The following MAPT variants were observed in gnomAD, a reference collection of about 807,000 sequenced individuals.
MAPT encodes microtubule-associated protein tau.
Under a neutral mutation model 67.9 loss-of-function variants are expected in MAPT, and 34 were observed. That is an observed-to-expected ratio of 0.50 (90% CI 0.38 to 0.67). The LOEUF (loss-of-function observed/expected upper bound fraction) is 0.67. Among genes scored for constraint, MAPT ranks in the 30% least tolerant of loss-of-function variants. MAPT has a pLI of 0.00. For missense variants in MAPT, 881 were observed against 1,115.2 expected, an observed-to-expected ratio of 0.79 and a Z score of 2.99; for synonymous variants, 456 against 464.5, an observed-to-expected ratio of 0.98 and a Z score of 0.23.
At chr17:45,927,554 A>G (rs2066458583) in intron 1 of MAPT, among the ~76,000 whole-genome samples, 1 of 152,144 alleles carries the variant, frequency 6.6e-6, no homozygotes, top group Non-Finnish European at 1.5e-5. Flanking sequence ...CCACTGTCTC[A>G]GGAACGGTGC....
intron 10 of MAPT, among the ~76,000 whole-genome samples, chr17:46,012,567 G>C (rs1309978769): frequency 1.3e-5 from 2 of 152,068 alleles, no homozygotes; most frequent in African/African-American, 4.8e-5. Context: ...CAGCCTGGGG[G>C]CCCCTTCCCA....
Position 46,022,906 on chromosome 17 carries a change from G to A in MAPT, c.2287-1050G>A, listed in dbSNP as rs1434670851. 2.0e-5 allele frequency among the ~76,000 whole-genome samples: 3 copies of A among 152,120 alleles called. No homozygotes were observed. The South Asian group carries it at 6.2e-4, about 31-fold the overall frequency. On this transcript the variant is annotated intron_variant, in intron 12 of 12. Transcript: ENST00000262410. ...TAGATAGGTAGATGATTGATAGATA[G>A]ATAGATAGATAAATAGATGGATAGA... is the stretch of plus-strand genomic sequence containing the variant.
Position 46,026,105 on chromosome 17 carries a change from AAG to A in MAPT, c.*1935_*1936del, listed in dbSNP as rs1384178907. The A allele has an allele frequency of 7.9e-5, 12 of 152,050 alleles. No homozygotes were observed. Among genetic ancestry groups the A allele is most frequent in the African/African-American group, 2.9e-4 (12 of 41,202 alleles). The allele number at this position is 152,050 out of a possible 1,614,324, so 9.4% of individuals were successfully genotyped here. A position where few individuals can be genotyped will look rare whatever the true frequency, so the allele number is the denominator to read the frequency against. ...AGTGAAAAGAAAAAAAAAAAAAAAA[AAG>A]GACGCATGTATCTTGAAATGCTTGT... On this transcript the variant is annotated 3_prime_UTR_variant, in exon 13 of 13. Transcript: ENST00000262410.
chr17:45,979,337 A>C (rs1187218003), intron 4 of MAPT: 1 of 152,226 alleles, frequency 6.6e-6, no homozygotes, highest in African/African-American at 2.4e-5. Flanking sequence ...TTGAGAGCCT[A>C]CTGTAAAATG....
intron 1 of MAPT, among the ~76,000 whole-genome samples, chr17:45,920,623 T>C (rs1017782300): frequency 1.3e-5 from 2 of 152,228 alleles, no homozygotes; most frequent in African/African-American, 4.8e-5. Context: ...CCTGGCCTTC[T>C]GCGGATGCCA....
chr17:46,017,889 T>C (rs954248476), intron 11 of MAPT, among the ~76,000 whole-genome samples: 15 of 150,990 alleles, frequency 9.9e-5, no homozygotes, highest in African/African-American at 3.6e-4. Flanking sequence ...CTCATGCCTG[T>C]AATCCCAGCA....
intron 1 of MAPT, among the ~76,000 whole-genome samples, chr17:45,924,333 G>A (rs2066054532): frequency 6.6e-6 from 1 of 152,230 alleles, no homozygotes; most frequent in Admixed American, 6.5e-5. Context: ...CTGTCACTCT[G>A]GAGGCTCTTT....
chr17:45,997,769 T>TA (rs1161461966), intron 9 of MAPT, among the ~76,000 whole-genome samples: 2 of 151,334 alleles, frequency 1.3e-5, no homozygotes, highest in Non-Finnish European at 2.9e-5. Flanking sequence ...CAAAACAAAA[T>TA]AAAACAAACC....
chr17:45,996,780 A>G lies in MAPT; in HGVS notation c.1998+116A>G. The G allele has an allele frequency of 7.0e-7, 1 of 1,424,880 alleles. No homozygotes were observed. The highest frequency in any genetic ancestry group is 9.5e-7 in the Non-Finnish European group (1 of 1,053,986). 88.3% of individuals were successfully genotyped at this position (1,424,880 alleles called of 1,614,324 possible). ...GCGCGGTTGAGCGTGGAGTCGTGGG[A>G]CTGTGCATGGAGGTGTGGGGCTCCC... On this transcript the variant is annotated intron_variant, in intron 9 of 12. Coordinates refer to ENST00000262410, the MANE Select transcript of MAPT (RefSeq NM_001377265.1). The surrounding 1 kb of genome is among the most constrained non-coding windows in gnomAD (Gnocchi z 4.5).
At chr17:45,919,249 A>C (rs1476776191) in intron 1 of MAPT, among the ~76,000 whole-genome samples, 1 of 151,700 alleles carries the variant, frequency 6.6e-6, no homozygotes, top group Non-Finnish European at 1.5e-5. Context: ...TCCTGCCTCC[A>C]CCGGGCCCCT....
chr17:45,989,801 T>C, intron 6 of MAPT, 77 bp from the exon 7 acceptor site: 1 of 1,308,864 alleles, frequency 7.6e-7, no homozygotes, highest in East Asian at 2.3e-5. Flanking sequence ...TATTTTTAGT[T>C]ACTGTCCTTT....
At chr17:45,941,194 G>A (rs1322604992) in intron 1 of MAPT, among the ~76,000 whole-genome samples, 4 of 152,150 alleles carry the variant, frequency 2.6e-5, no homozygotes, top group Non-Finnish European at 5.9e-5. Context: ...TTTTAGATTA[G>A]CAAAAGAAAA....
chr17:45,928,889 G>A (rs1475663827), intron 1 of MAPT, among the ~76,000 whole-genome samples: 2 of 151,968 alleles, frequency 1.3e-5, no homozygotes, highest in South Asian at 2.1e-4. Flanking sequence ...GTAGAGATGG[G>A]GTTTCACCGT....
At position 45,983,127 on chromosome 17, in the gene MAPT, A is replaced by C. The variant is rs1467339338; in HGVS notation, c.548A>C (p.Glu183Ala). ...GGACAAAAAGGCGGGGACTGGGCCG[A>C]GAAGGGTCCGGCCTTTCCGAAGCCC... ...EWGQKGGDWAEKGPAFPKPAT... is the reference protein window; with the variant it reads ...EWGQKGGDWAAKGPAFPKPAT... The change falls in exon 5 of 13, where the codon GAG becomes GCG. Residue 183 changes from glutamate (E) to alanine (A), a missense_variant. By Grantham distance (107) the Glu-to-Ala change is moderately radical. Around this residue, in one of 6 missense-constraint regions of MAPT, gnomAD observed 687 missense variants for 766.1 expected, o/e 0.90. Transcript: ENST00000262410. The C allele has an allele frequency of 6.3e-7, 1 of 1,578,334 alleles. No homozygotes were observed. Among genetic ancestry groups the C allele is most frequent in the South Asian group, 1.2e-5 (1 of 86,756 alleles).
At chr17:45,949,481 A>G (rs2068845502) in intron 1 of MAPT, among the ~76,000 whole-genome samples, 2 of 152,358 alleles carry the variant, frequency 1.3e-5, no homozygotes, top group South Asian at 2.1e-4. Context: ...CGTTTGATAC[A>G]GTAGCATAGA....
chr17:45,904,314 CAT>C (rs1491440024), intron 1 of MAPT, among the ~76,000 whole-genome samples: 362 of 30,656 alleles, frequency 0.012, 9 homozygotes, highest in African/African-American at 0.028. Flanking sequence ...TATATAAAAA[CAT>C]ATATAATATA....
At chr17:45,960,792 C>G (rs1318017399) in intron 1 of MAPT, among the ~76,000 whole-genome samples, 1 of 150,442 alleles carries the variant, frequency 6.6e-6, no homozygotes, top group African/African-American at 2.5e-5. Flanking sequence ...CGTCCCCACT[C>G]CCCCAAAGAA....
intron 1 of MAPT, chr17:45,895,496 G>A (rs2063127398): frequency 6.6e-6 from 1 of 152,316 alleles, no homozygotes; most frequent in South Asian, 2.1e-4. Context: ...TGGCGATGTG[G>A]ACGGACTCGG....
Position 46,010,813 on chromosome 17 carries a change from G to A in MAPT, c.2091+411G>A, listed in dbSNP as rs1177467437. ...GCTGAAGGTGGTGGCACCTGAGACT[G>A]GGCTGCCGCCTCCTCCCCCGACACC... On this transcript the variant is annotated intron_variant, in intron 10 of 12. Transcript: ENST00000262410. The surrounding 1 kb of genome is among the most constrained non-coding windows in gnomAD (Gnocchi z 4.7). 1.3e-5 allele frequency among the ~76,000 whole-genome samples: 2 copies of A among 152,244 alleles called. No individual in the cohort carries two copies. The highest frequency in any genetic ancestry group is 6.5e-5 in the Admixed American group (1 of 15,286).
Sources: allele counts gnomAD v4.1 joint callset (sites outside exome capture counted in the v4.1 genomes callset), GRCh38; gene constraint gnomAD v4.1.1; regional missense constraint gnomAD v4.1.1; non-coding constraint Gnocchi (gnomAD v3.1); transcripts MANE v1.5; gene names NCBI Gene and HGNC (gene_info 2026-07-23, HGNC 2026-07-21).